Variants in C7 observed in about 807,000 individuals in gnomAD.
C7 encodes the protein complement component C7.
C7 carries 83 observed loss-of-function variants against 104.8 expected under a neutral mutation model. The observed-to-expected ratio is 0.79, with a 90% CI of 0.66 to 0.95. The LOEUF is 0.95. Among genes scored for constraint, C7 ranks in the 40% least tolerant of loss-of-function variants. C7 has a pLI of 0.00. For missense variants in C7, 1,070 were observed against 1,011.2 expected (o/e 1.06, Z -0.79); for synonymous variants, 415 against 360.6 (o/e 1.15, Z -1.71).
At chr5:40,952,813 G>A (rs1740203510) in intron 9 of C7, among the ~76,000 whole-genome samples, 1 of 152,136 alleles carries the variant, frequency 6.6e-6, no homozygotes, top group African/African-American at 2.4e-5. Flanking sequence ...ATACTATGCA[G>A]CCATAAAAAA....
At position 40,958,250 on chromosome 5, in the gene C7, G is replaced by A. The variant is rs1740343694; in HGVS notation, c.1478G>A (p.Gly493Glu). ...GCGTGTGAGCAAGGAGTCCTCGTAGGGAATCAAGCAGGTCAGTGGGGTGAA... is the reference window on the plus strand; with the variant it reads ...GCGTGTGAGCAAGGAGTCCTCGTAGAGAATCAAGCAGGTCAGTGGGGTGAA... ...GAACEQGVLV[G>E]NQAGGVDGGW... Residue 493 changes from glycine (G) to glutamate (E), a missense_variant, in exon 11 of 18, where the codon GGG becomes GAG. Physicochemically the swap from Gly to Glu is moderately conservative, Grantham distance 98. Coordinates refer to ENST00000313164, the MANE Select transcript of C7 (RefSeq NM_000587.4). 6.2e-7 allele frequency: 1 copy of A among 1,601,900 alleles called. No individual in the cohort carries two copies. Among genetic ancestry groups the A allele is most frequent in the African/African-American group, 1.3e-5 (1 of 74,746 alleles).
chr5:40,979,502 A>T (rs2329434), intron 16 of C7, among the ~76,000 whole-genome samples: 27,378 of 152,094 alleles, frequency 0.18, 2,961 homozygotes, highest in Middle Eastern at 0.36. Flanking sequence ...TACACTTAGA[A>T]AAATTGTGAG....
chr5:40,929,683 T>A (rs1739637103), intron 2 of C7, among the ~76,000 whole-genome samples: 1 of 152,226 alleles, frequency 6.6e-6, no homozygotes, highest in South Asian at 2.1e-4. Flanking sequence ...CTCTTAAAGC[T>A]GACTCAGGTA....
chr5:40,928,879 T>A (rs1276932381), intron 2 of C7, among the ~76,000 whole-genome samples: 1 of 152,214 alleles, frequency 6.6e-6, no homozygotes, highest in Non-Finnish European at 1.5e-5. Flanking sequence ...AAGTATAAGT[T>A]TTTTGTCTCA....
chr5:40,978,873 A>ATTTTTTTTTTTTTTTT lies in C7; in HGVS notation c.2166-843_2166-828dup, dbSNP rs372551834. On this transcript the variant is annotated intron_variant, in intron 16 of 17. Coordinates refer to ENST00000313164, the MANE Select transcript of C7 (RefSeq NM_000587.4). ...GAGGAAGGTAACACATTTTATGGAA[A>ATTTTTTTTTTTTTTTT]TTTTTTTTTTTTTTTTTTTTTTTTG... Among the ~76,000 whole-genome samples the ATTTTTTTTTTTTTTTT allele has an allele frequency of 6.7e-4, 54 of 80,086 alleles. 3 individuals are homozygous for ATTTTTTTTTTTTTTTT. The highest frequency in any genetic ancestry group is 1.8e-3 in the South Asian group (3 of 1,648). 52.5% of individuals were successfully genotyped at this position (80,086 alleles called of 152,430 possible).
At chr5:40,957,600 C>T (rs1260324984) in intron 10 of C7, among the ~76,000 whole-genome samples, 4 of 152,018 alleles carry the variant, frequency 2.6e-5, no homozygotes, top group Non-Finnish European at 5.9e-5. Flanking sequence ...GGATTACAGA[C>T]ATGCGCCACC....
At chr5:40,941,463 A>G (rs1475583898) in intron 6 of C7, among the ~76,000 whole-genome samples, 1 of 152,182 alleles carries the variant, frequency 6.6e-6, no homozygotes, top group African/African-American at 2.4e-5. Flanking sequence ...TGATCGGGAA[A>G]GTAAATAAAA....
chr5:40,950,575 T>C (rs890003353), intron 9 of C7, among the ~76,000 whole-genome samples: 6 of 152,252 alleles, frequency 3.9e-5, no homozygotes, highest in African/African-American at 1.2e-4. Flanking sequence ...TCAGGGGTTC[T>C]GCTTTGTGTT....
intron 6 of C7, among the ~76,000 whole-genome samples, chr5:40,944,404 C>T (rs1473810988): frequency 1.3e-5 from 2 of 152,184 alleles, no homozygotes; most frequent in African/African-American, 4.8e-5. Context: ...CCTGTAGTTA[C>T]ATCTAGTGAC....
chr5:40,917,780 G>A (rs1350272046), intron 1 of C7, among the ~76,000 whole-genome samples: 2 of 152,016 alleles, frequency 1.3e-5, no homozygotes, highest in Non-Finnish European at 2.9e-5. Flanking sequence ...TTTTTATACT[G>A]CCAAGTCACA....
At chr5:40,953,528 C>T (rs1311266049) in intron 9 of C7, among the ~76,000 whole-genome samples, 1 of 150,456 alleles carries the variant, frequency 6.6e-6, no homozygotes, top group African/African-American at 2.4e-5. Flanking sequence ...GTAGTCCCAG[C>T]TACTTGGGAG....
chr5:40,976,934 C>A, intron 16 of C7, 94 bp downstream of exon 16: 1 of 969,094 alleles, frequency 1.0e-6, no homozygotes, highest in Non-Finnish European at 1.5e-6. Context: ...GAAGGTGTAG[C>A]TTACCAAGAG....
At chr5:40,939,897 A>G (rs1579851214) in intron 6 of C7, among the ~76,000 whole-genome samples, 1 of 152,218 alleles carries the variant, frequency 6.6e-6, no homozygotes, top group East Asian at 1.9e-4. Context: ...TTGACAACTG[A>G]AATGCCTTCC....
intron 14 of C7, among the ~76,000 whole-genome samples, 194 bp downstream of exon 14, chr5:40,965,067 G>C (rs966023873): frequency 6.6e-6 from 1 of 152,184 alleles, no homozygotes; most frequent in African/African-American, 2.4e-5. Flanking sequence ...TTCCCATTCA[G>C]TGAGGTCAAT....
chr5:40,959,179 A>G (rs1304348862), intron 11 of C7, among the ~76,000 whole-genome samples: 3 of 152,228 alleles, frequency 2.0e-5, no homozygotes. Context: ...AAATGATACA[A>G]CGTACGTAAA....
chr5:40,953,358 T>C (rs1045557492), intron 9 of C7, among the ~76,000 whole-genome samples: 2 of 151,980 alleles, frequency 1.3e-5, no homozygotes, highest in Non-Finnish European at 2.9e-5. Context: ...AAGGAATAAA[T>C]TCGACTAGGC....
chr5:40,980,157 C>T (rs1740911708), intron 17 of C7: 2 of 353,520 alleles, frequency 5.7e-6, no homozygotes, highest in Admixed American at 9.2e-5. Flanking sequence ...GGGGTGATTC[C>T]ATGCCACCTT....
rs202169953 is a variant in C7, at chr5:40,919,129, T to TG, written c.7-9451_7-9450insG. 2.4e-3 allele frequency among the ~76,000 whole-genome samples: 202 copies of TG among 84,964 alleles called. 2 individuals are homozygous for TG. In the East Asian group the frequency reaches 0.049, roughly 21 times the overall value. 55.7% of individuals were successfully genotyped at this position (84,964 alleles called of 152,430 possible). A position where few individuals can be genotyped will look rare whatever the true frequency, so the allele number is the denominator to read the frequency against. ...AGATTGAAATTATATCAAGTATCTT[T>TG]TTTTTTTTTTTTGAGTTGGAGTCTT... On this transcript the variant is annotated intron_variant, in intron 1 of 17. Transcript: ENST00000313164.
At chr5:40,950,337 A>C (rs530264225) in intron 9 of C7, among the ~76,000 whole-genome samples, 8 of 152,200 alleles carry the variant, frequency 5.3e-5, no homozygotes, top group Non-Finnish European at 1.2e-4. Flanking sequence ...GTTTGCTAAG[A>C]ATAATGGCTT....
Sources: gnomAD v4.1 joint callset for allele counts (sites outside exome capture counted in the v4.1 genomes callset) on GRCh38, gnomAD v4.1.1 for gene constraint, MANE v1.5 for transcripts, NCBI Gene and HGNC (gene_info 2026-07-23, HGNC 2026-07-21) for gene names.